ZFPM1: variants seen among roughly 807,000 people sequenced by gnomAD.
The protein encoded by ZFPM1 is zinc finger protein, FOG family member 1.
ZFPM1 carries 28 observed loss-of-function variants against 46.3 expected under a neutral mutation model. The ratio of observed to expected loss-of-function variants is 0.60; its 90% CI spans 0.45 to 0.83. ZFPM1 has a LOEUF of 0.83. Ranked by LOEUF, ZFPM1 falls within the 40% of genes least tolerant of loss-of-function variation. The probability of loss-of-function intolerance (pLI) is 0.00; values close to 1 mark genes in which losing one functional copy is unlikely to be tolerated. For missense variants in ZFPM1, 1,878 were observed against 1,432.4 expected (o/e 1.31, Z -5.02); for synonymous variants, 957 against 675.9 (o/e 1.42, Z -6.45).
chr16:88,501,431 A>G (rs12927995), intron 3 of ZFPM1, among the ~76,000 whole-genome samples: 278 of 26,598 alleles, frequency 0.01, 2 homozygotes, highest in African/African-American at 0.026. Context: ...GCAGACATGG[A>G]TGCGGGGGCC....
chr16:88,512,065 G>A (rs376549847), intron 3 of ZFPM1, among the ~76,000 whole-genome samples: 121 of 152,380 alleles, frequency 7.9e-4, no homozygotes, highest in African/African-American at 2.7e-3. Flanking sequence ...CTCTCTGGCA[G>A]TGTGTGATAC....
chr16:88,501,182 G>GT (rs1910260020), intron 3 of ZFPM1, among the ~76,000 whole-genome samples: 4 of 60,510 alleles, frequency 6.6e-5, no homozygotes, highest in African/African-American at 1.8e-4. Context: ...ACATGGGTGC[G>GT]GGGGCCCTCC....
At chr16:88,513,431 G>A (rs1287772340) in intron 3 of ZFPM1, 4 of 152,274 alleles carry the variant, frequency 2.6e-5, no homozygotes, top group African/African-American at 7.2e-5. Context: ...CTGCCCAATC[G>A]GGGCTCCAGG....
chr16:88,493,730 C>T (rs1909764585), intron 3 of ZFPM1, among the ~76,000 whole-genome samples: 1 of 152,044 alleles, frequency 6.6e-6, no homozygotes, highest in South Asian at 2.1e-4. Context: ...TTCCCATGAT[C>T]TCCTGGCCCT....
chr16:88,497,336 A>C lies in ZFPM1; in HGVS notation c.268+8183A>C, dbSNP rs1173812085. ...AGAGTGGGGTCGGGTGTGCACAAGGAGCTGGCTCAGGGCCTGAGTTTCAAG... is the reference window on the plus strand; with the variant it reads ...AGAGTGGGGTCGGGTGTGCACAAGGCGCTGGCTCAGGGCCTGAGTTTCAAG... On this transcript the variant is annotated intron_variant, in intron 3 of 9. Transcript: ENST00000319555. This position sits in a 1 kb window ranked among gnomAD's most constrained non-coding sequence, Gnocchi z 5.4. 6.6e-6 allele frequency among the ~76,000 whole-genome samples: 1 copy of C among 151,552 alleles called. No homozygotes were observed. Among genetic ancestry groups the C allele is most frequent in the Admixed American group, 6.6e-5 (1 of 15,252 alleles).
At chr16:88,487,691 C>T (rs932306428) in intron 2 of ZFPM1, among the ~76,000 whole-genome samples, 9 of 152,238 alleles carry the variant, frequency 5.9e-5, no homozygotes, top group South Asian at 2.1e-4. Flanking sequence ...GGGTGGGCCG[C>T]GGCCCCAAGA....
chr16:88,491,542 G>C (rs1430174297), intron 3 of ZFPM1, among the ~76,000 whole-genome samples: 2 of 152,184 alleles, frequency 1.3e-5, no homozygotes, highest in Non-Finnish European at 2.9e-5. Flanking sequence ...ACACTGGTTT[G>C]ATCGCCACCC....
chr16:88,459,048 G>A (rs891620441), intron 1 of ZFPM1, among the ~76,000 whole-genome samples: 1 of 152,254 alleles, frequency 6.6e-6, no homozygotes, highest in Non-Finnish European at 1.5e-5. Flanking sequence ...CGTCAGGGCT[G>A]AGCCCCTCGT....
intron 1 of ZFPM1, among the ~76,000 whole-genome samples, chr16:88,477,614 G>A (rs1460730192): frequency 6.6e-6 from 1 of 152,212 alleles, no homozygotes; most frequent in Non-Finnish European, 1.5e-5. Context: ...AGGATCGCTT[G>A]AGTCTAGGGG....
intron 1 of ZFPM1, among the ~76,000 whole-genome samples, chr16:88,458,155 TGC>T (rs1271506360): frequency 6.6e-6 from 1 of 152,206 alleles, no homozygotes; most frequent in Non-Finnish European, 1.5e-5. Flanking sequence ...CGGCCGGGCC[TGC>T]GCTCCTTAAG....
chr16:88,526,512 G>A (rs977180977), intron 4 of ZFPM1, among the ~76,000 whole-genome samples: 1 of 152,170 alleles, frequency 6.6e-6, no homozygotes. Context: ...GTGTGACCTG[G>A]AGCATGTTGC....
At chr16:88,488,246 C>A (rs1007933767) in intron 2 of ZFPM1, among the ~76,000 whole-genome samples, 1 of 151,260 alleles carries the variant, frequency 6.6e-6, no homozygotes, top group African/African-American at 2.4e-5. Flanking sequence ...GCCGGCTTCC[C>A]GGGGAGCCAG....
Position 88,473,331 on chromosome 16 carries a change from TCCTGGGCTTGTGAGCTCA to T in ZFPM1, c.41-12605_41-12588del, listed in dbSNP as rs141865794. Among the ~76,000 whole-genome samples, 853 of 152,330 alleles carry T rather than the reference TCCTGGGCTTGTGAGCTCA, an allele frequency of 5.6e-3. 21 individuals are homozygous for T. Among genetic ancestry groups the T allele is most frequent in the East Asian group, 2.9e-3 (15 of 5,178 alleles). On this transcript the variant is annotated intron_variant, in intron 1 of 9. Transcript: ENST00000319555. ...ATGCTGTGAATGAAAGCCTGGAGTC[TCCTGGGCTTGTGAGCTCA>T]CCCACCGACCCTCAGGCCTCAGCCC...
At chr16:88,517,853 G>C (rs577168753) in intron 4 of ZFPM1, among the ~76,000 whole-genome samples, 5 of 151,652 alleles carry the variant, frequency 3.3e-5, no homozygotes, top group African/African-American at 1.2e-4. Context: ...TGGGTGAGTG[G>C]GTAAAGGAGG....
intron 1 of ZFPM1, among the ~76,000 whole-genome samples, chr16:88,468,450 T>C (rs997880553): frequency 6.6e-6 from 1 of 151,972 alleles, no homozygotes; most frequent in South Asian, 2.1e-4. Context: ...AGGCCGGCCT[T>C]GGAGAGGGGT....
chr16:88,487,016 C>T (rs1476543998), intron 2 of ZFPM1, among the ~76,000 whole-genome samples: 1 of 152,198 alleles, frequency 6.6e-6, no homozygotes, highest in Non-Finnish European at 1.5e-5. Flanking sequence ...TCACAGGCAC[C>T]TCCACATTCC....
In ZFPM1 at chr16:88,525,613, A is replaced by C. The variant is rs144327675; in HGVS notation, c.403-1201A>C. Among the ~76,000 whole-genome samples the C allele has an allele frequency of 3.2e-3, 490 of 152,376 alleles. 2 individuals carry two copies. The highest frequency in any genetic ancestry group is 5.2e-3 in the Non-Finnish European group (353 of 68,032). On this transcript the variant is annotated intron_variant, in intron 4 of 9. Coordinates refer to ENST00000319555, the MANE Select transcript of ZFPM1 (RefSeq NM_153813.3). ...CTTGGGGACCACCAGTGCAGTGAGC[A>C]GCACAGGGCTGAGGGTCAGGGCACT... is the stretch of plus-strand genomic sequence containing the variant.
chr16:88,500,812 C>G (rs931618543), intron 3 of ZFPM1, among the ~76,000 whole-genome samples: 2 of 152,256 alleles, frequency 1.3e-5, no homozygotes, highest in African/African-American at 2.4e-5. Flanking sequence ...TCTTTCCCAG[C>G]AAGTCTGCGT....
intron 4 of ZFPM1, among the ~76,000 whole-genome samples, chr16:88,524,833 G>A (rs909742791): frequency 6.6e-6 from 1 of 152,228 alleles, no homozygotes; most frequent in Admixed American, 6.5e-5. Context: ...GCCATGTGGG[G>A]AGAGGGCAGA....
Sources: allele counts gnomAD v4.1 joint callset (sites outside exome capture counted in the v4.1 genomes callset), GRCh38; gene constraint gnomAD v4.1.1; non-coding constraint Gnocchi (gnomAD v3.1); transcripts MANE v1.5; gene names NCBI Gene and HGNC (gene_info 2026-07-23, HGNC 2026-07-21).